ARGLU1: variants seen among roughly 807,000 people sequenced by gnomAD.
The protein encoded by ARGLU1 is arginine and glutamate rich 1, also known as arginine and glutamate-rich protein 1.
In ARGLU1, 9 loss-of-function variants were observed where a neutral mutation model predicts 37.6. The ratio of observed to expected loss-of-function variants is 0.24; its 90% confidence interval spans 0.14 to 0.42. The LOEUF is 0.42. ARGLU1 is among the 10% of genes least tolerant of loss of function. The pLI is 1.00. For synonymous variants in ARGLU1, 166 were observed against 138.5 expected (o/e 1.20, Z -1.39); for missense variants, 211 against 359.2 (o/e 0.59, Z 3.34).
intron 1 of ARGLU1, among the ~76,000 whole-genome samples, chr13:106,560,292 G>A (rs1381217117): frequency 6.6e-6 from 1 of 151,744 alleles, no homozygotes; most frequent in Non-Finnish European, 1.5e-5. Context: ...TGGGAAAGTG[G>A]GTAAAAATAT....
At position 106,542,593 on chromosome 13, in the gene ARGLU1, C is replaced by A. The variant is rs1227852084; in HGVS notation, c.*1403G>T. On this transcript the variant is annotated 3_prime_UTR_variant, in exon 4 of 4. Coordinates refer to ENST00000400198, the MANE Select transcript of ARGLU1 (RefSeq NM_018011.4). ...ACAAAATAATCTACCATTTAGTCAT[C>A]TCTTTAGCTTATGTTTTCAATTTTT... 3 of 152,030 alleles carry A rather than the reference C, an allele frequency of 2.0e-5. No individual in the cohort carries two copies. Among genetic ancestry groups the A allele is most frequent in the South Asian group, 2.1e-4 (1 of 4,826 alleles). The allele number at this position is 152,030 out of a possible 1,614,324, so 9.4% of individuals were successfully genotyped here.
In ARGLU1 at chr13:106,567,527, G is replaced by A. The variant is rs371713049; in HGVS notation, c.347+46C>T. ...CCCCGGCCCCACGCCCTCGCCCCGCGCCCTGCTCTCCGCACGCCCCGGTCC... is the reference window on the plus strand; with the variant it reads ...CCCCGGCCCCACGCCCTCGCCCCGCACCCTGCTCTCCGCACGCCCCGGTCC... On this transcript the variant is annotated intron_variant, in intron 1 of 3. Coordinates refer to ENST00000400198, the MANE Select transcript of ARGLU1 (RefSeq NM_018011.4). This position sits in a 1 kb window ranked among gnomAD's most constrained non-coding sequence, Gnocchi z 4.3. 503 of 1,367,408 alleles carry A rather than the reference G, an allele frequency of 3.7e-4. No homozygotes were observed. Among genetic ancestry groups the A allele is most frequent in the Non-Finnish European group, 5.0e-4 (479 of 962,226 alleles). The allele number at this position is 1,367,408 out of a possible 1,614,324, so 84.7% of individuals were successfully genotyped here.
intron 3 of ARGLU1, among the ~76,000 whole-genome samples, chr13:106,553,187 T>A (rs921914737): frequency 6.6e-6 from 1 of 152,216 alleles, no homozygotes; most frequent in African/African-American, 2.4e-5. Flanking sequence ...CAATTAAGGA[T>A]AACTATTTTT....
intron 3 of ARGLU1, among the ~76,000 whole-genome samples, chr13:106,544,550 T>C (rs1034983522): frequency 2.3e-5 from 3 of 130,962 alleles, no homozygotes; most frequent in South Asian, 5.0e-4. Context: ...AAATCACATG[T>C]TGAGATGACA....
chr13:106,559,010 A>G, intron 2 of ARGLU1: 1 of 985,468 alleles, frequency 1.0e-6, no homozygotes, highest in Non-Finnish European at 1.2e-6. Context: ...GCTCTTTTTA[A>G]TCTGACTGAA....
chr13:106,557,065 C>T lies in ARGLU1; in HGVS notation c.640G>A (p.Glu214Lys). ...ILEENNRKIA[E>K]AQAKLAEEQL... ...ACACTTACCAGTTTGGCTTGTGCTT[C>T]TGCAATTTTTCGGTTATTCTCTTCC... Residue 214 changes from glutamate (E) to lysine (K), a missense_variant, in exon 3 of 4, where the codon GAA (glutamate) becomes AAA (lysine). Transcript: ENST00000400198. The surrounding 1 kb of genome is among the most constrained non-coding windows in gnomAD (Gnocchi z 5.0). 1 of 1,613,904 alleles carries T rather than the reference C, an allele frequency of 6.2e-7. No homozygotes were observed. The highest frequency in any genetic ancestry group is 8.5e-7 in the Non-Finnish European group (1 of 1,179,782).
Position 106,551,888 on chromosome 13 carries a change from CAT to C in ARGLU1, c.657+5158_657+5159del, listed in dbSNP as rs1448027416. Among the ~76,000 whole-genome samples the C allele has an allele frequency of 1.1e-4, 17 of 152,162 alleles. 1 individual carries two copies. Among genetic ancestry groups the C allele is most frequent in the Admixed American group, 1.0e-3 (16 of 15,272 alleles). Reference sequence around the variant, plus strand: ...ATTTCCCTCTGCCTCTCTAAGAAAACATGTGATGGCATTTAAGGCCCACCAGA... The same window carrying C: ...ATTTCCCTCTGCCTCTCTAAGAAAACGTGATGGCATTTAAGGCCCACCAGA... On this transcript the variant is annotated intron_variant, in intron 3 of 3. Transcript: ENST00000400198.
Position 106,559,434 on chromosome 13 carries a change from C to G in ARGLU1, c.571G>C (p.Glu191Gln), listed in dbSNP as rs1214114085. ...QAELAAQKAR[E>Q]EEERAKREEL... is the part of the protein sequence containing the mutation. ...CTTTCCAAACGACCGAGCGTTACCT[C>G]TCTAGCTTTTTGTGCGGCAAGCTCA... is the stretch of plus-strand genomic sequence containing the variant. The change falls in exon 2 of 4, where the codon GAG becomes CAG. Residue 191 changes from glutamate (E) to glutamine (Q), a missense_variant and splice_region_variant. By Grantham distance (29) the Glu-to-Gln change is conservative (BLOSUM62 2). Coordinates refer to ENST00000400198, the MANE Select transcript of ARGLU1 (RefSeq NM_018011.4). 1 of 1,614,100 alleles carries G rather than the reference C, an allele frequency of 6.2e-7. No individual in the cohort carries two copies. The highest frequency in any genetic ancestry group is 8.5e-7 in the Non-Finnish European group (1 of 1,180,038).
intron 2 of ARGLU1, chr13:106,559,003 C>A (rs1428769580): frequency 1.0e-6 from 1 of 985,304 alleles, no homozygotes; most frequent in Non-Finnish European, 1.2e-6. Flanking sequence ...AGGCCCTGCT[C>A]TTTTTAATCT....
chr13:106,562,576 A>G (rs1215965164), intron 1 of ARGLU1, among the ~76,000 whole-genome samples: 2 of 152,180 alleles, frequency 1.3e-5, no homozygotes, highest in African/African-American at 4.8e-5. Context: ...CCTCTGCTGA[A>G]TATCCATTTC....
chr13:106,561,610 G>A (rs1209891603), intron 1 of ARGLU1, among the ~76,000 whole-genome samples: 1 of 152,124 alleles, frequency 6.6e-6, no homozygotes, highest in Non-Finnish European at 1.5e-5. Flanking sequence ...AAAGGATAAT[G>A]TAACACAGTT....
intron 1 of ARGLU1, among the ~76,000 whole-genome samples, chr13:106,560,900 A>G (rs1223745315): frequency 2.0e-5 from 3 of 152,168 alleles, no homozygotes; most frequent in Admixed American, 6.5e-5. Flanking sequence ...AAATACCCCA[A>G]TCCACTTCAA....
At chr13:106,565,424 T>A (rs879375183) in intron 1 of ARGLU1, among the ~76,000 whole-genome samples, 7 of 152,224 alleles carry the variant, frequency 4.6e-5, no homozygotes, top group Non-Finnish European at 8.8e-5. Context: ...ACTTCCTTTA[T>A]ACAGTTTATA....
In ARGLU1 at chr13:106,543,735, C is replaced by G. The variant is rs1466324669; in HGVS notation, c.*261G>C. The G allele has an allele frequency of 3.0e-6, 1 of 329,728 alleles. No homozygotes were observed. The highest frequency in any genetic ancestry group is 5.4e-6 in the Non-Finnish European group (1 of 184,416). The allele number at this position is 329,728 out of a possible 1,614,324, so 20.4% of individuals were successfully genotyped here. A position where few individuals can be genotyped will look rare whatever the true frequency, so the allele number is the denominator to read the frequency against. ...TTTTACAATGTGATCTGCTCTTCCT[C>G]AGACCACTAATATAGAATCCAAACA... On this transcript the variant is annotated 3_prime_UTR_variant, in exon 4 of 4. Coordinates refer to ENST00000400198, the MANE Select transcript of ARGLU1 (RefSeq NM_018011.4).
chr13:106,559,473 G>C lies in ARGLU1; in HGVS notation c.532C>G (p.Arg178Gly). 6.2e-7 allele frequency: 1 copy of C among 1,614,098 alleles called. No homozygotes were observed. The highest frequency in any genetic ancestry group is 8.5e-7 in the Non-Finnish European group (1 of 1,180,018). ...GCGGCAAGCTCAGCTTGTCTCTGTC[G>C]CTCGAGTTCTTCGAGCAACTGCTTT... ...MEKQLLEELERQRQAELAAQK... is the reference protein window; with the variant it reads ...MEKQLLEELEGQRQAELAAQK... Residue 178 changes from arginine to glycine, a missense_variant, in exon 2 of 4, where the codon CGA becomes GGA. Arg to Gly is a moderately radical substitution (Grantham distance 125, BLOSUM62 -2). Transcript: ENST00000400198.
chr13:106,566,985 G>A (rs1012053807), intron 1 of ARGLU1, among the ~76,000 whole-genome samples: 22 of 151,440 alleles, frequency 1.5e-4, no homozygotes, highest in Non-Finnish European at 2.4e-4. Flanking sequence ...AGGCTCAAGG[G>A]GAAAAAAGCA....
intron 3 of ARGLU1, among the ~76,000 whole-genome samples, chr13:106,555,649 T>C (rs1033597835): frequency 6.6e-6 from 1 of 152,236 alleles, no homozygotes; most frequent in African/African-American, 2.4e-5. Flanking sequence ...AGTATTAGGT[T>C]ATGACTACCA....
chr13:106,542,650 G>C lies in ARGLU1; in HGVS notation c.*1346C>G, dbSNP rs1471965295. On this transcript the variant is annotated 3_prime_UTR_variant, in exon 4 of 4. Transcript: ENST00000400198. ...AATCAAACTGTCTAAAAAATATTGG[G>C]CAAAAATAAAAATATTTTCTCTACT... 6.6e-6 allele frequency: 1 copy of C among 151,666 alleles called. No homozygotes were observed. Among genetic ancestry groups the C allele is most frequent in the Non-Finnish European group, 1.5e-5 (1 of 67,860 alleles). 9.4% of individuals were successfully genotyped at this position (151,666 alleles called of 1,614,324 possible). A position where few individuals can be genotyped will look rare whatever the true frequency, so the allele number is the denominator to read the frequency against.
At position 106,567,469 on chromosome 13, in the gene ARGLU1, G is replaced by A. The variant is rs1881001700; in HGVS notation, c.347+104C>T. ...CGCGCCCGGTCCCCAGCCCCGGACCGTCCCCGCCATTCTCCCGGCCCGCAC... is the reference window on the plus strand; with the variant it reads ...CGCGCCCGGTCCCCAGCCCCGGACCATCCCCGCCATTCTCCCGGCCCGCAC... On this transcript the variant is annotated intron_variant, in intron 1 of 3. Transcript: ENST00000400198. The surrounding 1 kb of genome is among the most constrained non-coding windows in gnomAD (Gnocchi z 4.3). 5.0e-6 allele frequency: 4 copies of A among 800,564 alleles called. No individual in the cohort carries two copies. Among genetic ancestry groups the A allele is most frequent in the East Asian group, 3.1e-5 (1 of 31,938 alleles). The allele number at this position is 800,564 out of a possible 1,614,324, so 49.6% of individuals were successfully genotyped here.
Sources: gnomAD v4.1 joint callset for allele counts (sites outside exome capture counted in the v4.1 genomes callset) on GRCh38, gnomAD v4.1.1 for gene constraint, Gnocchi (gnomAD v3.1) non-coding constraint, MANE v1.5 for transcripts, NCBI Gene and HGNC (gene_info 2026-07-23, HGNC 2026-07-21) for gene names.